The following PSD3 variants were observed in gnomAD, a reference collection of about 807,000 sequenced individuals.
The protein encoded by PSD3 is PH and SEC7 domain-containing protein 3.
In PSD3, 49 loss-of-function variants were observed where a neutral mutation model predicts 105.5. The ratio of observed to expected loss-of-function variants is 0.46; its 90% CI spans 0.37 to 0.59. The LOEUF (loss-of-function observed/expected upper bound fraction) is 0.59. Ranked by LOEUF, PSD3 falls within the 20% of genes least tolerant of loss-of-function variation. PSD3 has a pLI of 0.00. For synonymous variants in PSD3, 557 were observed against 457.8 expected, an observed-to-expected ratio of 1.22 and a Z score of -2.77; for missense variants, 1,561 against 1,263.8, an observed-to-expected ratio of 1.24 and a Z score of -3.57.
At position 19,035,650 on chromosome 8, in the gene PSD3, G is replaced by T. The variant is rs35247767; in HGVS notation, c.324+48556C>A. Among the ~76,000 whole-genome samples, 837 of 151,036 alleles carry T rather than the reference G, an allele frequency of 5.5e-3. 2 individuals carry two copies. The highest frequency in any genetic ancestry group is 8.8e-3 in the Non-Finnish European group (597 of 67,804). On this transcript the variant is annotated intron_variant, in intron 1 of 1. Transcript: ENST00000521475. Reference sequence around the variant, plus strand: ...TACAACCTCAGCCTCCCAAAGTTACGTTTTTTTTGGCCAAATTTTAACCAA... The same window carrying T: ...TACAACCTCAGCCTCCCAAAGTTACTTTTTTTTTGGCCAAATTTTAACCAA...
At position 18,945,923 on chromosome 8, in the gene PSD3, G is replaced by A. The variant is rs181108500; in HGVS notation, c.22-9781C>T. On this transcript the variant is annotated intron_variant, in intron 1 of 15. Transcript: ENST00000327040. Reference sequence around the variant, plus strand: ...CGGGAAGTGGAGGCTGCCGTGAGCCGAGATCGCGCCATGCACTCCAGCCTG... The same window carrying A: ...CGGGAAGTGGAGGCTGCCGTGAGCCAAGATCGCGCCATGCACTCCAGCCTG... 2.7e-3 allele frequency among the ~76,000 whole-genome samples: 407 copies of A among 152,214 alleles called. 2 individuals are homozygous for A. Among genetic ancestry groups the A allele is most frequent in the African/African-American group, 9.3e-3 (388 of 41,530 alleles).
intron 9 of PSD3, among the ~76,000 whole-genome samples, chr8:18,703,582 G>C (rs1388235945): frequency 6.6e-6 from 1 of 152,146 alleles, no homozygotes; most frequent in Non-Finnish European, 1.5e-5. Flanking sequence ...ATCCCATATA[G>C]AGAATTCCCT....
At chr8:18,735,787 CA>C (rs1344571430) in intron 9 of PSD3, among the ~76,000 whole-genome samples, 9 of 152,212 alleles carry the variant, frequency 5.9e-5, no homozygotes, top group African/African-American at 1.9e-4. Context: ...AACAGTTCTT[CA>C]AATAATTTTT....
intron 9 of PSD3, among the ~76,000 whole-genome samples, chr8:18,726,194 T>G (rs979348206): frequency 2.0e-5 from 3 of 152,228 alleles, no homozygotes; most frequent in Non-Finnish European, 2.9e-5. Flanking sequence ...AAAAATCATA[T>G]GAATCACTGG....
At chr8:18,667,213 T>C (rs1392361048) in intron 9 of PSD3, among the ~76,000 whole-genome samples, 4 of 152,168 alleles carry the variant, frequency 2.6e-5, no homozygotes, top group Admixed American at 1.3e-4. Context: ...GAGAGCCGAT[T>C]ACTCTGTTTT....
intron 1 of PSD3, among the ~76,000 whole-genome samples, chr8:19,074,621 T>A (rs1490132033): frequency 2.3e-4 from 23 of 100,816 alleles, no homozygotes; most frequent in South Asian, 1.2e-3. Flanking sequence ...ATTTTTTTTT[T>A]TTTTTTTTTT....
intron 1 of PSD3, among the ~76,000 whole-genome samples, chr8:19,067,470 G>A (rs949030261): frequency 2.0e-5 from 3 of 152,186 alleles, no homozygotes; most frequent in Admixed American, 6.5e-5. Context: ...CTTGGACTCT[G>A]ACCATGTGTT....
intron 8 of PSD3, among the ~76,000 whole-genome samples, chr8:18,766,979 C>T (rs544364175): frequency 7.6e-4 from 115 of 152,286 alleles, no homozygotes; most frequent in Non-Finnish European, 1.3e-3. Context: ...CAAACCTGAC[C>T]GCTGCTGTGA....
At chr8:18,913,669 C>A (rs952965404) in intron 2 of PSD3, among the ~76,000 whole-genome samples, 1 of 152,228 alleles carries the variant, frequency 6.6e-6, no homozygotes, top group South Asian at 2.1e-4. Flanking sequence ...CCAGTGCCAG[C>A]GGACTAAGGA....
chr8:19,046,456 C>T (rs1828322684), intron 1 of PSD3, among the ~76,000 whole-genome samples: 1 of 152,130 alleles, frequency 6.6e-6, no homozygotes, highest in African/African-American at 2.4e-5. Context: ...TTAGCAGCAA[C>T]CGATTTCCTT....
chr8:19,059,365 T>A (rs531924507), intron 1 of PSD3, among the ~76,000 whole-genome samples: 6 of 151,166 alleles, frequency 4.0e-5, no homozygotes, highest in Non-Finnish European at 8.9e-5. Context: ...CTGCGGATGA[T>A]GGAACTCAAA....
chr8:18,858,330 A>G lies in PSD3; in HGVS notation c.1634+9344T>C, dbSNP rs185430984. Among the ~76,000 whole-genome samples, 371 of 152,330 alleles carry G rather than the reference A, an allele frequency of 2.4e-3. 2 individuals are homozygous for G. The highest frequency in any genetic ancestry group is 2.5e-3 in the Non-Finnish European group (173 of 68,032). ...TTATTGCTAAAAAATGCTAATGATC[A>G]TCTGAGTACTCAGCAAGTCCTAATC... On this transcript the variant is annotated intron_variant, in intron 4 of 15. Coordinates refer to ENST00000327040, the MANE Select transcript of PSD3 (RefSeq NM_015310.4).
chr8:18,608,091 A>C (rs9644612), intron 11 of PSD3, among the ~76,000 whole-genome samples: 6,272 of 152,236 alleles, frequency 0.041, 231 homozygotes, highest in East Asian at 0.13. Flanking sequence ...ATGCTGATGC[A>C]TGCCTATATT....
intron 1 of PSD3, among the ~76,000 whole-genome samples, chr8:18,995,429 T>C (rs1018482269): frequency 4.6e-5 from 7 of 152,108 alleles, no homozygotes; most frequent in Admixed American, 6.5e-5. Flanking sequence ...CAACAATATA[T>C]TGTTGTTCTG....
chr8:18,791,058 C>T (rs1482216164), intron 8 of PSD3, among the ~76,000 whole-genome samples: 2 of 152,024 alleles, frequency 1.3e-5, no homozygotes, highest in Admixed American at 6.5e-5. Flanking sequence ...CAAACCACTG[C>T]TCAAAAAAAT....
intron 1 of PSD3, among the ~76,000 whole-genome samples, chr8:18,954,045 A>G (rs1443904753): frequency 6.6e-6 from 1 of 152,120 alleles, no homozygotes; most frequent in Non-Finnish European, 1.5e-5. Flanking sequence ...GCTCAGTGAG[A>G]ATGGATACCA....
At chr8:18,811,009 G>A (rs1811636421) in intron 4 of PSD3, among the ~76,000 whole-genome samples, 4 of 152,186 alleles carry the variant, frequency 2.6e-5, no homozygotes, top group Admixed American at 2.0e-4. Context: ...ATTATCTATG[G>A]CATTTATTTC....
intron 1 of PSD3, among the ~76,000 whole-genome samples, chr8:19,061,291 A>G (rs192950127): frequency 6.6e-6 from 1 of 152,348 alleles, no homozygotes; most frequent in Admixed American, 6.5e-5. Context: ...CAAGATCCTT[A>G]TAATTAGAGA....
At chr8:19,002,755 AC>A (rs1292570274) in intron 1 of PSD3, among the ~76,000 whole-genome samples, 1 of 152,092 alleles carries the variant, frequency 6.6e-6, no homozygotes, top group African/African-American at 2.4e-5. Context: ...ATGTTCAGAC[AC>A]AACATTCTTC....
Sources: allele counts gnomAD v4.1 joint callset (sites outside exome capture counted in the v4.1 genomes callset), GRCh38; gene constraint gnomAD v4.1.1; transcripts MANE v1.5; gene names NCBI Gene and HGNC (gene_info 2026-07-23, HGNC 2026-07-21).